SEC24D: variants seen among roughly 807,000 people sequenced by gnomAD.
SEC24D encodes the protein protein transport protein Sec24D.
A neutral mutation model predicts 116.9 loss-of-function variants in SEC24D; 69 were observed. The ratio of observed to expected loss-of-function variants is 0.59; its 90% CI spans 0.49 to 0.72. SEC24D has a LOEUF of 0.72. Among genes scored for constraint, SEC24D ranks in the 30% least tolerant of loss-of-function variants. SEC24D has a pLI of 0.00. For synonymous variants in SEC24D, 405 were observed against 442.8 expected (o/e 0.91, Z 1.07); for missense variants, 1,131 against 1,264.1 (o/e 0.89, Z 1.60).
chr4:118,790,873 A>T (rs926195739), intron 8 of SEC24D, among the ~76,000 whole-genome samples: 5 of 148,748 alleles, frequency 3.4e-5, no homozygotes, highest in African/African-American at 1.0e-4. Flanking sequence ...TTAAAATTGC[A>T]GTAATGATGG....
intron 22 of SEC24D, among the ~76,000 whole-genome samples, chr4:118,726,604 G>A (rs1482068409): frequency 6.6e-6 from 1 of 152,094 alleles, no homozygotes; most frequent in Non-Finnish European, 1.5e-5. Flanking sequence ...AGGTAGATTT[G>A]AACAGCTTGT....
chr4:118,783,581 CAT>C (rs1416057616), intron 8 of SEC24D, among the ~76,000 whole-genome samples: 1 of 152,146 alleles, frequency 6.6e-6, no homozygotes, highest in Non-Finnish European at 1.5e-5. Context: ...AATAAGGTGA[CAT>C]AAAGTTTTTC....
Position 118,723,437 on chromosome 4 carries a change from A to G in SEC24D, c.*78T>C, listed in dbSNP as rs1221941902. ...ATGAGCAAGAAATCAAAACTAGCCT[A>G]TTATCATCTAGAAAATTAGGCACCA... is the stretch of plus-strand genomic sequence containing the variant. On this transcript the variant is annotated 3_prime_UTR_variant, in exon 23 of 23. Transcript: ENST00000280551. 9 of 1,421,796 alleles carry G rather than the reference A, an allele frequency of 6.3e-6. No homozygotes were observed. Among genetic ancestry groups the G allele is most frequent in the Non-Finnish European group, 8.7e-6 (9 of 1,037,444 alleles). 88.1% of individuals were successfully genotyped at this position (1,421,796 alleles called of 1,614,324 possible).
chr4:118,739,627 T>G (rs1726138448), intron 17 of SEC24D, among the ~76,000 whole-genome samples: 1 of 152,220 alleles, frequency 6.6e-6, no homozygotes. Context: ...AATACCTTCA[T>G]GTGCTCAGAG....
intron 3 of SEC24D, among the ~76,000 whole-genome samples, chr4:118,821,444 C>A (rs1374161750): frequency 6.6e-6 from 1 of 152,122 alleles, no homozygotes; most frequent in Non-Finnish European, 1.5e-5. Flanking sequence ...ATAACTTTAG[C>A]ACTGCTTGCA....
At chr4:118,766,639 C>T (rs142997830) in intron 9 of SEC24D, 32 of 152,200 alleles carry the variant, frequency 2.1e-4, no homozygotes, top group African/African-American at 7.7e-4. Context: ...GGGTAGGAGG[C>T]CAAAGAGTCA....
At chr4:118,744,285 G>A in intron 14 of SEC24D, 127 bp from the exon 15 acceptor site, 1 of 953,946 alleles carries the variant, frequency 1.0e-6, no homozygotes, top group South Asian at 1.9e-5. Context: ...CCCGTTAAGT[G>A]AACTGGGCTG....
chr4:118,800,396 G>A (rs1054709792), intron 7 of SEC24D, among the ~76,000 whole-genome samples: 1 of 152,180 alleles, frequency 6.6e-6, no homozygotes, highest in Non-Finnish European at 1.5e-5. Context: ...TGAACGGGAG[G>A]TTGGACTTAA....
At chr4:118,743,002 C>T (rs966534510) in intron 15 of SEC24D, among the ~76,000 whole-genome samples, 13 of 151,996 alleles carry the variant, frequency 8.6e-5, no homozygotes, top group African/African-American at 3.1e-4. Flanking sequence ...CACTCTGTGC[C>T]GGGGCGCATA....
At chr4:118,738,899 A>T (rs1560615158) in intron 18 of SEC24D, among the ~76,000 whole-genome samples, 2 of 152,134 alleles carry the variant, frequency 1.3e-5, no homozygotes, top group Non-Finnish European at 2.9e-5. Context: ...CATATTCCTA[A>T]ATTTCAACTC....
At chr4:118,740,876 T>C in intron 16 of SEC24D, 65 bp downstream of exon 16, 1 of 1,598,678 alleles carries the variant, frequency 6.3e-7, no homozygotes, top group Non-Finnish European at 8.5e-7. Flanking sequence ...TGTTGGCCTG[T>C]TATTAATTTG....
chr4:118,788,050 C>T (rs1457120787), intron 8 of SEC24D, among the ~76,000 whole-genome samples: 1 of 152,164 alleles, frequency 6.6e-6, no homozygotes, highest in African/African-American at 2.4e-5. Flanking sequence ...ATCTCCTGGC[C>T]TCAAGTGATT....
intron 8 of SEC24D, among the ~76,000 whole-genome samples, chr4:118,773,609 G>C (rs926608135): frequency 1.3e-5 from 2 of 152,194 alleles, no homozygotes; most frequent in African/African-American, 4.8e-5. Flanking sequence ...AGATAATCCA[G>C]AACCTGTGAT....
chr4:118,787,113 C>T (rs183706844), intron 8 of SEC24D, among the ~76,000 whole-genome samples: 179 of 152,258 alleles, frequency 1.2e-3, no homozygotes, highest in Middle Eastern at 3.4e-3. Context: ...TCTTCAGCTG[C>T]CAAACTTTTT....
intron 7 of SEC24D, among the ~76,000 whole-genome samples, chr4:118,798,133 G>A (rs912943213): frequency 4.6e-5 from 7 of 151,920 alleles, no homozygotes; most frequent in African/African-American, 1.5e-4. Flanking sequence ...TAGATGCAAT[G>A]GAAAAAATAA....
At chr4:118,834,451 A>G (rs1731004636) in intron 1 of SEC24D, among the ~76,000 whole-genome samples, 1 of 152,244 alleles carries the variant, frequency 6.6e-6, no homozygotes, top group Non-Finnish European at 1.5e-5. Context: ...GTGTGTAGGC[A>G]CACACATCAC....
intron 19 of SEC24D, 45 bp from the exon 20 acceptor site, chr4:118,732,957 G>A (rs1383400821): frequency 1.3e-6 from 2 of 1,484,464 alleles, no homozygotes; most frequent in African/African-American, 2.8e-5. Flanking sequence ...TCTTTACTGA[G>A]AACAATTCCC....
chr4:118,827,406 C>T (rs964366594), intron 2 of SEC24D, among the ~76,000 whole-genome samples: 2 of 152,022 alleles, frequency 1.3e-5, no homozygotes, highest in Non-Finnish European at 2.9e-5. Flanking sequence ...AAAGGAACAC[C>T]GTGCAATGAG....
chr4:118,750,548 G>A (rs554036585), intron 13 of SEC24D, among the ~76,000 whole-genome samples: 3 of 152,246 alleles, frequency 2.0e-5, no homozygotes, highest in African/African-American at 7.2e-5. Flanking sequence ...ATCCATGAAT[G>A]TAATATTATT....
Sources: gnomAD v4.1 joint callset for allele counts (sites outside exome capture counted in the v4.1 genomes callset) on GRCh38, gnomAD v4.1.1 for gene constraint, MANE v1.5 for transcripts, NCBI Gene and HGNC (gene_info 2026-07-23, HGNC 2026-07-21) for gene names.